Variants in BRD8 observed in about 807,000 individuals in gnomAD.
BRD8 encodes the protein bromodomain-containing protein 8.
In BRD8, 67 loss-of-function variants were observed where a neutral mutation model predicts 143.1. That is an observed-to-expected ratio of 0.47 (90% confidence interval 0.38 to 0.57). BRD8 has a LOEUF of 0.57. Among genes scored for constraint, BRD8 ranks in the 20% least tolerant of loss-of-function variants. The pLI, the probability that BRD8 is intolerant of heterozygous loss-of-function variation, is 0.00. For synonymous variants in BRD8, 505 were observed against 517.1 expected (o/e 0.98, Z 0.32); for missense variants, 1,103 against 1,503.0 (o/e 0.73, Z 4.40).
intron 20 of BRD8, among the ~76,000 whole-genome samples, chr5:138,155,967 G>A (rs906305965): frequency 1.3e-4 from 20 of 151,862 alleles, no homozygotes; most frequent in Admixed American, 6.6e-4. Flanking sequence ...TTTGAATTCC[G>A]TGGCTCAAGA....
rs769315205 is a variant in BRD8 at position 138,164,073 on chromosome 5, A to G, written c.1872+14T>C. 1.9e-6 allele frequency: 3 copies of G among 1,612,300 alleles called. No individual in the cohort carries two copies. Among genetic ancestry groups the G allele is most frequent in the African/African-American group, 1.3e-5 (1 of 74,890 alleles). ...AATCACATGGCAAGAGGAATAAAGA[A>G]AAGTCTGAAATACCTTTATCTGGCT... is the stretch of plus-strand genomic sequence containing the variant. On this transcript the variant is annotated intron_variant, in intron 14 of 26. Coordinates refer to ENST00000254900, the MANE Select transcript of BRD8 (RefSeq NM_139199.2).
rs1670919797 is a variant in BRD8 at position 138,175,697 on chromosome 5, T to TG, written c.116+1873_116+1874insC. Among the ~76,000 whole-genome samples the TG allele has an allele frequency of 9.3e-5, 13 of 139,076 alleles. No homozygotes were observed. In the South Asian group the frequency reaches 3.0e-3, roughly 32 times the overall value. The allele number at this position is 139,076 out of a possible 152,430, so 91.2% of individuals were successfully genotyped here. A position where few individuals can be genotyped will look rare whatever the true frequency, so the allele number is the denominator to read the frequency against. ...TCTACAAAAACATAAATATTTAAAT[T>TG]AAAAAAAAAAAAAAAGTTCAGCCTG... On this transcript the variant is annotated intron_variant, in intron 2 of 26. Transcript: ENST00000254900.
In BRD8 at chr5:138,177,676, G is replaced by C; in HGVS notation, c.20-9C>G. ...GCTTAGCAGCTTGTGTTCTGGGAAAGGGAGAAAAAAAAAAAAGCCTTGGAA... is the reference window on the plus strand; with the variant it reads ...GCTTAGCAGCTTGTGTTCTGGGAAACGGAGAAAAAAAAAAAAGCCTTGGAA... On this transcript the variant is annotated splice_polypyrimidine_tract_variant and intron_variant, in intron 1 of 26. Coordinates refer to ENST00000254900, the MANE Select transcript of BRD8 (RefSeq NM_139199.2). The C allele has an allele frequency of 1.4e-6, 2 of 1,422,116 alleles. No individual in the cohort carries two copies. The highest frequency in any genetic ancestry group is 1.9e-6 in the Non-Finnish European group (2 of 1,072,258). 88.1% of individuals were successfully genotyped at this position (1,422,116 alleles called of 1,614,324 possible).
Position 138,169,287 on chromosome 5 carries a change from A to T in BRD8, c.577T>A (p.Ser193Thr). The T allele has an allele frequency of 6.2e-7, 1 of 1,614,112 alleles. No individual in the cohort carries two copies. Residue 193 changes from serine (S) to threonine (T), a missense_variant, in exon 8 of 27, where the codon TCC (serine) becomes ACC (threonine). By Grantham distance (58) the Ser-to-Thr change is moderately conservative. This residue lies in a region of BRD8 where 334 missense variants were observed against 372.5 expected (regional missense o/e 0.90). Transcript: ENST00000254900. Reference protein sequence around the residue: ...VMVRSPIDSASPGGDYPLGDL... With the variant: ...VMVRSPIDSATPGGDYPLGDL... ...CCAAGTGGATAATCACCTCCTGGGG[A>T]GGCAGAATCTATAGGAGAGCGAACC... is the stretch of plus-strand genomic sequence containing the variant.
chr5:138,145,157 T>C lies in BRD8; in HGVS notation c.3437+20A>G, dbSNP rs1752098014. On this transcript the variant is annotated intron_variant, in intron 25 of 26. Transcript: ENST00000254900. ...CAGATATAAAAGCAACCAACCTTTC[T>C]TGACCCCTTTTTCACTGACCTTTTC... 1.9e-6 allele frequency: 3 copies of C among 1,604,398 alleles called. No individual in the cohort carries two copies. Among genetic ancestry groups the C allele is most frequent in the South Asian group, 2.3e-5 (2 of 88,612 alleles).
intron 3 of BRD8, 88 bp downstream of exon 3, chr5:138,171,977 A>G: frequency 1.0e-6 from 1 of 962,910 alleles, no homozygotes; most frequent in South Asian, 1.4e-5. Flanking sequence ...ATGGTATAAA[A>G]GCTTTGTAAC....
chr5:138,140,334 A>G (rs1751852160), intron 26 of BRD8, among the ~76,000 whole-genome samples, 168 bp from the exon 27 acceptor site: 1 of 152,204 alleles, frequency 6.6e-6, no homozygotes, highest in South Asian at 2.1e-4. Context: ...CTTATCCCCT[A>G]AAGATGGGAA....
chr5:138,140,971 T>G, intron 25 of BRD8, 89 bp from the exon 26 acceptor site: 1 of 1,362,256 alleles, frequency 7.3e-7, no homozygotes, highest in Non-Finnish European at 1.0e-6. Flanking sequence ...AACTAACCAG[T>G]TCTTAATGAA....
At chr5:138,170,032 C>T (rs1753744045) in intron 7 of BRD8, among the ~76,000 whole-genome samples, 1 of 152,210 alleles carries the variant, frequency 6.6e-6, no homozygotes, top group South Asian at 2.1e-4. Flanking sequence ...GTTGTAAATG[C>T]TTAAATTTCT....
At chr5:138,140,653 T>G in intron 26 of BRD8, 52 bp downstream of exon 26, 1 of 1,559,782 alleles carries the variant, frequency 6.4e-7, no homozygotes, top group Non-Finnish European at 8.8e-7. Context: ...TTTATTCTCA[T>G]AGGCGTTCTG....
chr5:138,163,763 G>T, intron 14 of BRD8: 1 of 731,452 alleles, frequency 1.4e-6, no homozygotes, highest in Non-Finnish European at 2.1e-6. Context: ...AGAAAACTCT[G>T]GATGATTCTC....
Position 138,163,133 on chromosome 5 carries a change from T to G in BRD8, c.2084A>C (p.Gln695Pro), listed in dbSNP as rs1346208740. 1 of 1,613,724 alleles carries G rather than the reference T, an allele frequency of 6.2e-7. No homozygotes were observed. The highest frequency in any genetic ancestry group is 8.5e-7 in the Non-Finnish European group (1 of 1,179,912). Residue 695 changes from glutamine (Q) to proline (P), a missense_variant, in exon 15 of 27, where the codon CAG becomes CCG. Gln to Pro is a moderately conservative substitution (Grantham distance 76). Coordinates refer to ENST00000254900, the MANE Select transcript of BRD8 (RefSeq NM_139199.2). ...AGAAAGAATCTCAGATACTCACAAC[T>G]GTGAAGAAGCAGGGCTGCTGGGGAT... ...DSIPSSPASS[Q>P]FSVCSEDQEA...
intron 1 of BRD8, among the ~76,000 whole-genome samples, chr5:138,177,971 C>G (rs1276430631): frequency 1.3e-5 from 2 of 152,164 alleles, no homozygotes; most frequent in Non-Finnish European, 2.9e-5. Flanking sequence ...CCTAAAAGCC[C>G]AGTTTTAAGA....
intron 20 of BRD8, chr5:138,157,602 C>A: frequency 3.5e-6 from 1 of 288,864 alleles, no homozygotes; most frequent in Non-Finnish European, 6.6e-6. Flanking sequence ...GTAGGAGAGT[C>A]AGAATGGGCA....
At chr5:138,145,038 T>C in intron 25 of BRD8, 139 bp downstream of exon 25, 2 of 860,256 alleles carry the variant, frequency 2.3e-6, no homozygotes, top group East Asian at 2.5e-5. Context: ...ACTGAGCTCA[T>C]CATAACTTTA....
chr5:138,142,755 G>A (rs1202289824), intron 25 of BRD8, among the ~76,000 whole-genome samples: 3 of 111,582 alleles, frequency 2.7e-5, no homozygotes, highest in Admixed American at 2.2e-4. Flanking sequence ...GAGCAAGACT[G>A]TCTCAAAAAA....
intron 25 of BRD8, among the ~76,000 whole-genome samples, chr5:138,142,425 T>C (rs1156293650): frequency 6.6e-6 from 1 of 152,114 alleles, no homozygotes; most frequent in South Asian, 2.1e-4. Context: ...TTACATTCTA[T>C]TACCATACAG....
intron 1 of BRD8, 83 bp downstream of exon 1, chr5:138,178,513 A>G (rs1754548272): frequency 1.5e-6 from 2 of 1,293,484 alleles, no homozygotes; most frequent in African/African-American, 2.9e-5. Flanking sequence ...CACTTCTCCC[A>G]CTCCCTAAGC....
At chr5:138,174,396 A>C (rs1223552748) in intron 2 of BRD8, among the ~76,000 whole-genome samples, 1 of 152,086 alleles carries the variant, frequency 6.6e-6, no homozygotes, top group Non-Finnish European at 1.5e-5. Flanking sequence ...GGAGTTCAAG[A>C]CCAGCCTGGC....
Sources: gnomAD v4.1 joint callset for allele counts (sites outside exome capture counted in the v4.1 genomes callset) on GRCh38, gnomAD v4.1.1 for gene constraint, gnomAD v4.1.1 regional missense constraint, MANE v1.5 for transcripts, NCBI Gene and HGNC (gene_info 2026-07-23, HGNC 2026-07-21) for gene names.